The following PIGL variants were observed in gnomAD, a reference collection of about 807,000 sequenced individuals.
PIGL encodes N-acetylglucosaminyl-phosphatidylinositol de-N-acetylase.
PIGL carries 22 observed loss-of-function variants against 31.1 expected under a neutral mutation model. The ratio of observed to expected loss-of-function variants is 0.71; its 90% confidence interval spans 0.51 to 1.01. The LOEUF is 1.01. Among genes scored for constraint, PIGL ranks in the 50% least tolerant of loss-of-function variants. The pLI, the probability that PIGL is intolerant of heterozygous loss-of-function variation, is 0.00. For missense variants in PIGL, 302 were observed against 315.9 expected (o/e 0.96, Z 0.33); for synonymous variants, 131 against 117.4 (o/e 1.12, Z -0.75).
At position 16,293,661 on chromosome 17, in the gene PIGL, CT is replaced by C. The variant is rs752262405; in HGVS notation, c.336-6226del. 1.3e-3 allele frequency among the ~76,000 whole-genome samples: 198 copies of C among 152,326 alleles called. 2 individuals carry two copies. The highest frequency in any genetic ancestry group is 8.5e-4 in the Admixed American group (13 of 15,290). On this transcript the variant is annotated intron_variant, in intron 2 of 6. Transcript: ENST00000225609. ...AAGCAACTAGTGCTTGTTAAACCCCCTAACACACTTCCTTGCATAGGGTAGA... is the reference window on the plus strand; with the variant it reads ...AAGCAACTAGTGCTTGTTAAACCCCCAACACACTTCCTTGCATAGGGTAGA...
chr17:16,271,129 C>A (rs2092870263), intron 2 of PIGL, among the ~76,000 whole-genome samples: 1 of 152,118 alleles, frequency 6.6e-6, no homozygotes, highest in East Asian at 1.9e-4. Flanking sequence ...TTCATTATGT[C>A]TCCTAAAGCT....
chr17:16,266,388 CAAAAAAA>C (rs60708474), intron 2 of PIGL, among the ~76,000 whole-genome samples: 20 of 72,052 alleles, frequency 2.8e-4, no homozygotes, highest in Non-Finnish European at 5.0e-4. Flanking sequence ...GACTCCATCT[CAAAAAAA>C]AAAAAAAAAA....
At chr17:16,256,952 T>G (rs2092796374) in intron 2 of PIGL, among the ~76,000 whole-genome samples, 4 of 152,074 alleles carry the variant, frequency 2.6e-5, no homozygotes, top group Admixed American at 2.6e-4. Context: ...CCTCCTAAAG[T>G]GCTAGGATTG....
intron 4 of PIGL, among the ~76,000 whole-genome samples, chr17:16,316,471 C>T (rs1200032447): frequency 6.6e-6 from 1 of 152,160 alleles, no homozygotes; most frequent in Admixed American, 6.5e-5. Context: ...ATTGGCTGTC[C>T]CTAGCTCAGG....
intron 2 of PIGL, among the ~76,000 whole-genome samples, chr17:16,274,391 A>G (rs749133074): frequency 1.1e-4 from 16 of 152,098 alleles, no homozygotes; most frequent in East Asian, 7.7e-4. Context: ...TTGTTTGTTT[A>G]TTTATTTATT....
chr17:16,271,294 A>G (rs113917995), intron 2 of PIGL, among the ~76,000 whole-genome samples: 1,762 of 152,314 alleles, frequency 0.012, 46 homozygotes, highest in African/African-American at 0.04. Flanking sequence ...GACAGTGGGC[A>G]GGCACATTCA....
At position 16,226,265 on chromosome 17, in the gene PIGL, A is replaced by G. The variant is rs562134627; in HGVS notation, c.236-7706A>G. On this transcript the variant is annotated intron_variant, in intron 1 of 6. Transcript: ENST00000225609. The stretch of plus-strand genomic sequence containing the variant: ...AGTACCTCATTTGGAGGACCCAAAG[A>G]CTAGGGGCTGGAATCACCTGAATAC... 1.9e-4 allele frequency among the ~76,000 whole-genome samples: 29 copies of G among 152,292 alleles called. No homozygotes were observed. The South Asian group carries it at 6.0e-3, about 32-fold the overall frequency.
At chr17:16,251,118 CA>C (rs2092769263) in intron 2 of PIGL, among the ~76,000 whole-genome samples, 1 of 152,018 alleles carries the variant, frequency 6.6e-6, no homozygotes, top group African/African-American at 2.4e-5. Context: ...AGCAGATCAC[CA>C]CTTTGTTACT....
At chr17:16,224,324 T>A (rs1259097171) in intron 1 of PIGL, among the ~76,000 whole-genome samples, 1 of 151,994 alleles carries the variant, frequency 6.6e-6, no homozygotes, top group Non-Finnish European at 1.5e-5. Flanking sequence ...TGACCCTTTT[T>A]CCAAATACCT....
At chr17:16,295,663 G>A (rs1019139854) in intron 2 of PIGL, among the ~76,000 whole-genome samples, 3 of 151,990 alleles carry the variant, frequency 2.0e-5, no homozygotes, top group Admixed American at 2.0e-4. Context: ...TAAATTATCA[G>A]CCAGGTGTGG....
intron 2 of PIGL, among the ~76,000 whole-genome samples, chr17:16,290,710 G>A (rs1460421544): frequency 6.6e-6 from 1 of 151,936 alleles, no homozygotes; most frequent in Admixed American, 6.6e-5. Context: ...TGTTGTTGTT[G>A]CTGTTTCTCA....
At chr17:16,292,183 C>T (rs1352821265) in intron 2 of PIGL, among the ~76,000 whole-genome samples, 1 of 151,428 alleles carries the variant, frequency 6.6e-6, no homozygotes, top group East Asian at 2.0e-4. Context: ...TACAGGCACG[C>T]ACCACCACAC....
intron 1 of PIGL, among the ~76,000 whole-genome samples, chr17:16,224,429 C>A (rs563969092): frequency 7.4e-4 from 113 of 151,738 alleles, no homozygotes; most frequent in African/African-American, 2.7e-3. Flanking sequence ...GCTTCAGCCT[C>A]CCGAGTAGCT....
intron 6 of PIGL, among the ~76,000 whole-genome samples, chr17:16,318,400 A>G (rs1461983776): frequency 6.6e-6 from 1 of 151,628 alleles, no homozygotes; most frequent in Non-Finnish European, 1.5e-5. Context: ...CCTCCTGAGT[A>G]GCTGGGATTA....
intron 2 of PIGL, among the ~76,000 whole-genome samples, chr17:16,265,755 C>A (rs937880093): frequency 1.3e-5 from 2 of 150,824 alleles, no homozygotes; most frequent in African/African-American, 4.9e-5. Flanking sequence ...AAAAAAAAAT[C>A]AAGGAAACTT....
intron 2 of PIGL, among the ~76,000 whole-genome samples, chr17:16,252,114 G>A (rs1403075778): frequency 3.6e-5 from 5 of 138,014 alleles, no homozygotes; most frequent in Non-Finnish European, 6.0e-5. Context: ...TCGCTCTGTC[G>A]CCAGGCTGGA....
chr17:16,248,445 A>G (rs560896552), intron 2 of PIGL, among the ~76,000 whole-genome samples: 3 of 152,278 alleles, frequency 2.0e-5, no homozygotes, highest in Non-Finnish European at 4.4e-5. Context: ...TTGCTTCTTT[A>G]TAATAGTGAT....
chr17:16,301,871 ATT>A (rs375406617), intron 3 of PIGL, among the ~76,000 whole-genome samples: 1 of 145,598 alleles, frequency 6.9e-6, no homozygotes, highest in African/African-American at 2.5e-5. Context: ...GCCCAGCCTA[ATT>A]TTTTTTTTTT....
intron 1 of PIGL, chr17:16,217,750 T>C: frequency 5.1e-6 from 2 of 388,724 alleles, no homozygotes; most frequent in Non-Finnish European, 9.4e-6. Context: ...CCACCTGTAC[T>C]TGTTATTCTG....
Sources: gnomAD v4.1 joint callset for allele counts (sites outside exome capture counted in the v4.1 genomes callset) on GRCh38, gnomAD v4.1.1 for gene constraint, MANE v1.5 for transcripts, NCBI Gene and HGNC (gene_info 2026-07-23, HGNC 2026-07-21) for gene names.